EHMT1: variants seen among roughly 807,000 people sequenced by gnomAD.
EHMT1 encodes the protein euchromatic histone lysine methyltransferase 1.
A neutral mutation model predicts 147.2 loss-of-function variants in EHMT1; 15 were observed. That is an observed-to-expected ratio of 0.10 (90% CI 0.07 to 0.16). EHMT1 has a LOEUF of 0.16. EHMT1 is among the 10% of genes least tolerant of loss of function. The pLI, the probability that EHMT1 is intolerant of heterozygous loss-of-function variation, is 1.00. For synonymous variants in EHMT1, 795 were observed against 709.6 expected, an observed-to-expected ratio of 1.12 and a Z score of -1.91; for missense variants, 1,587 against 1,772.4, an observed-to-expected ratio of 0.90 and a Z score of 1.88.
intron 16 of EHMT1, among the ~76,000 whole-genome samples, chr9:137,793,535 C>T (rs2137166579): frequency 6.6e-6 from 1 of 152,380 alleles, no homozygotes; most frequent in South Asian, 2.1e-4. Flanking sequence ...AGCAACTCCA[C>T]TCCTAAGTGT....
intron 1 of EHMT1, among the ~76,000 whole-genome samples, chr9:137,666,775 G>A (rs1356043253): frequency 6.6e-6 from 1 of 152,158 alleles, no homozygotes; most frequent in East Asian, 1.9e-4. Flanking sequence ...TGGTGAGGAG[G>A]GTAGAGAGGC....
chr9:137,703,165 GCCCTGGGTCTGGCCCAC>G (rs1943978227), intron 1 of EHMT1, among the ~76,000 whole-genome samples: 2 of 152,204 alleles, frequency 1.3e-5, no homozygotes, highest in Admixed American at 6.5e-5. Context: ...GAGCAGCAAG[GCCCTGGGTCTGGCCCAC>G]AAAACCATTC....
At chr9:137,671,817 T>C (rs1940692117) in intron 1 of EHMT1, among the ~76,000 whole-genome samples, 2 of 152,226 alleles carry the variant, frequency 1.3e-5, no homozygotes, top group Non-Finnish European at 2.9e-5. Flanking sequence ...CATCAGCCAC[T>C]GTGCCTGGGC....
chr9:137,773,472 T>G (rs1950725429), intron 10 of EHMT1, among the ~76,000 whole-genome samples: 1 of 151,422 alleles, frequency 6.6e-6, no homozygotes, highest in Non-Finnish European at 1.5e-5. Flanking sequence ...AGAAGTCTCT[T>G]GCTGGCTTCA....
At chr9:137,702,785 T>C (rs1800090036) in intron 1 of EHMT1, among the ~76,000 whole-genome samples, 1 of 152,232 alleles carries the variant, frequency 6.6e-6, no homozygotes, top group Non-Finnish European at 1.5e-5. Context: ...AGGCTCTCCG[T>C]GGGGGCTTCG....
chr9:137,622,123 T>G (rs1180993491), intron 1 of EHMT1, among the ~76,000 whole-genome samples: 1 of 75,098 alleles, frequency 1.3e-5, no homozygotes, highest in Admixed American at 1.8e-4. Flanking sequence ...CCCTCCCCCC[T>G]TTTTTTTCTT....
intron 1 of EHMT1, among the ~76,000 whole-genome samples, chr9:137,670,506 C>G (rs1218347864): frequency 6.6e-6 from 1 of 152,132 alleles, no homozygotes; most frequent in African/African-American, 2.4e-5. Flanking sequence ...CGTGCGAGCT[C>G]CGTTTCCTGC....
chr9:137,829,223 C>T (rs1228037245), intron 25 of EHMT1, among the ~76,000 whole-genome samples: 1 of 152,208 alleles, frequency 6.6e-6, no homozygotes, highest in African/African-American at 2.4e-5. Context: ...GCATTCAGGT[C>T]TCTTACTTAG....
chr9:137,795,033 A>G (rs1449025000), intron 16 of EHMT1: 2 of 152,204 alleles, frequency 1.3e-5, no homozygotes, highest in Non-Finnish European at 2.9e-5. Flanking sequence ...GGTGGAGTTT[A>G]GACACGTTTG....
In EHMT1 at chr9:137,814,812, TTG is replaced by T. The variant is rs1274423098; in HGVS notation, c.3258+310_3258+311del. ...GCCCCAGGAGGAGGTGCTGCTTATG[TTG>T]TGTGTATCTGGTAAGCTGTGCCTTG... On this transcript the variant is annotated intron_variant, in intron 22 of 26. Coordinates refer to ENST00000460843, the MANE Select transcript of EHMT1 (RefSeq NM_024757.5). 1.1e-5 allele frequency: 6 copies of T among 552,272 alleles called. No homozygotes were observed. The East Asian group carries it at 1.9e-4, about 17-fold the overall frequency. 34.2% of individuals were successfully genotyped at this position (552,272 alleles called of 1,614,324 possible). A position where few individuals can be genotyped will look rare whatever the true frequency, so the allele number is the denominator to read the frequency against.
At chr9:137,805,905 C>A (rs1175591823) in intron 18 of EHMT1, among the ~76,000 whole-genome samples, 8 of 151,582 alleles carry the variant, frequency 5.3e-5, no homozygotes, top group Admixed American at 5.3e-4. Context: ...TCGTGATCCA[C>A]TCACCTTGGC....
intron 1 of EHMT1, among the ~76,000 whole-genome samples, chr9:137,632,569 A>G (rs1237417004): frequency 2.6e-5 from 4 of 151,962 alleles, no homozygotes; most frequent in Non-Finnish European, 4.4e-5. Context: ...ACACCTAGGT[A>G]ATTTTTGTAT....
intron 10 of EHMT1, chr9:137,764,350 G>A (rs1211277465): frequency 6.6e-6 from 1 of 152,300 alleles, no homozygotes; most frequent in Admixed American, 6.5e-5. Flanking sequence ...CCACCTCTGA[G>A]TGTTCATGTC....
rs768199995 is a variant in EHMT1, at chr9:137,762,829, G to T, written c.1647+9G>T. ...AGAGCGTGGACCATGAAGTAAGCACGTTTGTTTTCATTTAAAGCAGCCACG... is the reference window on the plus strand; with the variant it reads ...AGAGCGTGGACCATGAAGTAAGCACTTTTGTTTTCATTTAAAGCAGCCACG... On this transcript the variant is annotated intron_variant, in intron 10 of 26. Transcript: ENST00000460843. 6.2e-7 allele frequency: 1 copy of T among 1,614,104 alleles called. No homozygotes were observed. The highest frequency in any genetic ancestry group is 8.5e-7 in the Non-Finnish European group (1 of 1,180,042).
At chr9:137,792,637 G>A (rs964588019) in intron 16 of EHMT1, among the ~76,000 whole-genome samples, 1 of 152,174 alleles carries the variant, frequency 6.6e-6, no homozygotes, top group Non-Finnish European at 1.5e-5. Context: ...CCCGGGAGGC[G>A]GAAGTTGCAG....
Position 137,768,849 on chromosome 9 carries a change from C to G in EHMT1, c.1647+6029C>G, listed in dbSNP as rs1015750138. Among the ~76,000 whole-genome samples the G allele has an allele frequency of 5.3e-5, 8 of 151,142 alleles. No individual in the cohort carries two copies. In the South Asian group the frequency reaches 1.3e-3, roughly 24 times the overall value. On this transcript the variant is annotated intron_variant, in intron 10 of 26. Coordinates refer to ENST00000460843, the MANE Select transcript of EHMT1 (RefSeq NM_024757.5). ...ACAGGCGTGAGCCACCGCGCCCAGC[C>G]TAATTTTTTGTATTTTTAGTAGAGA... is the stretch of plus-strand genomic sequence containing the variant.
chr9:137,697,968 C>T (rs1943527986), intron 1 of EHMT1, among the ~76,000 whole-genome samples: 1 of 150,728 alleles, frequency 6.6e-6, no homozygotes, highest in South Asian at 2.1e-4. Flanking sequence ...CTCGCGGAGG[C>T]CTCACTCCCC....
chr9:137,662,943 G>A (rs181571462), intron 1 of EHMT1, among the ~76,000 whole-genome samples: 1 of 151,740 alleles, frequency 6.6e-6, no homozygotes. Context: ...ACAGGTGCAC[G>A]CCACCATGCC....
intron 1 of EHMT1, chr9:137,646,546 G>T: frequency 1.4e-6 from 1 of 721,024 alleles, no homozygotes; most frequent in Non-Finnish European, 1.7e-6. Flanking sequence ...GAGCCTGGGG[G>T]AGGCCCCCGA....
Sources: gnomAD v4.1 joint callset for allele counts (sites outside exome capture counted in the v4.1 genomes callset) on GRCh38, gnomAD v4.1.1 for gene constraint, MANE v1.5 for transcripts, NCBI Gene and HGNC (gene_info 2026-07-23, HGNC 2026-07-21) for gene names.